Variants in ZNF611 observed in about 807,000 individuals in gnomAD.
ZNF611 encodes the protein zinc finger protein 611.
ZNF611 carries 6 observed loss-of-function variants against 8.9 expected under a neutral mutation model. That is an observed-to-expected ratio of 0.68 (90% CI 0.37 to 1.34). The LOEUF is 1.34. Among genes scored for constraint, ZNF611 ranks in the 40% most tolerant of loss-of-function variants. ZNF611 has a pLI of 0.02. For synonymous variants in ZNF611, 262 were observed against 279.7 expected, an observed-to-expected ratio of 0.94 and a Z score of 0.63; for missense variants, 874 against 841.3, an observed-to-expected ratio of 1.04 and a Z score of -0.48.
intron 3 of ZNF611, among the ~76,000 whole-genome samples, chr19:52,725,910 T>C (rs890770898): frequency 5.9e-5 from 9 of 152,010 alleles, no homozygotes; most frequent in East Asian, 2.0e-4. Flanking sequence ...CCTGTGCATC[T>C]CTCCGCCTCG....
intron 3 of ZNF611, among the ~76,000 whole-genome samples, chr19:52,717,994 A>G (rs1470527027): frequency 3.3e-5 from 5 of 152,206 alleles, no homozygotes; most frequent in African/African-American, 1.2e-4. Context: ...ATGGTTAAAA[A>G]ATATAGATCT....
chr19:52,733,235 G>A (rs2062436412), intron 1 of ZNF611, among the ~76,000 whole-genome samples: 1 of 152,050 alleles, frequency 6.6e-6, no homozygotes. Context: ...TATATATACA[G>A]AACTCAACAT....
intron 5 of ZNF611, among the ~76,000 whole-genome samples, chr19:52,711,555 A>C (rs1175156056): frequency 6.6e-6 from 1 of 152,186 alleles, no homozygotes; most frequent in African/African-American, 2.4e-5. Flanking sequence ...ATGACCAGAC[A>C]CAGAAAATAT....
intron 3 of ZNF611, chr19:52,717,743 A>G (rs1296133410): frequency 2.1e-6 from 2 of 958,828 alleles, no homozygotes; most frequent in African/African-American, 1.8e-5. Flanking sequence ...CTTACTTAGA[A>G]GCTCACAGAT....
chr19:52,727,475 C>A (rs1310229330), intron 3 of ZNF611, among the ~76,000 whole-genome samples: 2 of 152,210 alleles, frequency 1.3e-5, no homozygotes, highest in Admixed American at 1.3e-4. Flanking sequence ...TTCATCCTGG[C>A]TCTACTTGGT....
intron 4 of ZNF611, 104 bp from the exon 5 acceptor site, chr19:52,714,245 A>G (rs1330494674): frequency 1.5e-5 from 23 of 1,541,494 alleles, no homozygotes; most frequent in East Asian, 4.6e-5. Flanking sequence ...ATCAAAGATT[A>G]TGTTCTGACA....
intron 5 of ZNF611, among the ~76,000 whole-genome samples, chr19:52,710,815 C>T (rs1193134001): frequency 1.3e-5 from 2 of 152,110 alleles, no homozygotes; most frequent in Admixed American, 6.6e-5. Flanking sequence ...TAATAGTACT[C>T]ATTTGTTTTA....
At chr19:52,718,545 T>A (rs571768312) in intron 3 of ZNF611, among the ~76,000 whole-genome samples, 6 of 152,012 alleles carry the variant, frequency 3.9e-5, no homozygotes, top group Admixed American at 6.6e-5. Context: ...ATGCCTGTAA[T>A]CCCAGCACCT....
rs2062243096 is a variant in ZNF611, at chr19:52,706,200, T to C, written c.855A>G (p.Lys285=). ...TGCCACACTCTTTACACTTGTAAGG[T>C]TTCTCAACAGTGTGACATCTATCAT... ...ACHDRCHTVE[K]PYKCKECGKT... Residue 285 remains lysine, a synonymous_variant, in exon 6 of 6, where the codon AAA becomes AAG. Transcript: ENST00000652185. The C allele has an allele frequency of 1.9e-6, 3 of 1,614,148 alleles. No homozygotes were observed. Among genetic ancestry groups the C allele is most frequent in the South Asian group, 1.1e-5 (1 of 91,078 alleles).
At position 52,705,301 on chromosome 19, in the gene ZNF611, T is replaced by C. The variant is rs148228360; in HGVS notation, c.1754A>G (p.His585Arg). 499 of 1,613,862 alleles carry C rather than the reference T, an allele frequency of 3.1e-4. 1 individual carries two copies. The African/African-American group carries it at 6.2e-3, about 20-fold the overall frequency. The change falls in exon 6 of 6, where the codon CAT (histidine) becomes CGT (arginine). Residue 585 changes from histidine (H) to arginine (R), a missense_variant. By Grantham distance (29) the His-to-Arg change is conservative. Coordinates refer to ENST00000652185, the MANE Select transcript of ZNF611 (RefSeq NM_001161499.2). ...AGGTTTCTCACCACTATGAACTCTA[T>C]GATGGCATACAAGGTATGACCTGTG... ...FSHRSYLVCH[H>R]RVHSGEKPYK... is the part of the protein sequence containing the mutation.
rs921863253 is a variant in ZNF611 at position 52,723,119 on chromosome 19, T to C, written c.-20+5611A>G. ...CTCATTCTCCCCTTCTCTTTCTAGC[T>C]CTTGTTTTCTTTTCTTTTTCCCTGG... On this transcript the variant is annotated intron_variant, in intron 3 of 5. Transcript: ENST00000652185. Among the ~76,000 whole-genome samples the C allele has an allele frequency of 5.3e-5, 8 of 151,812 alleles. 1 individual carries two copies. In the East Asian group the frequency reaches 1.2e-3, roughly 22 times the overall value.
chr19:52,718,235 G>A (rs2062330825), intron 3 of ZNF611, among the ~76,000 whole-genome samples: 1 of 152,150 alleles, frequency 6.6e-6, no homozygotes, highest in Non-Finnish European at 1.5e-5. Flanking sequence ...AGCTACTCTG[G>A]AGGCTGAGGC....
intron 3 of ZNF611, among the ~76,000 whole-genome samples, chr19:52,727,366 C>T (rs137985767): frequency 4.6e-5 from 7 of 152,196 alleles, no homozygotes; most frequent in Non-Finnish European, 8.8e-5. Flanking sequence ...GAGAAAGAAA[C>T]GTCACTGTTA....
At chr19:52,722,702 C>T (rs2062367396) in intron 3 of ZNF611, among the ~76,000 whole-genome samples, 2 of 152,114 alleles carry the variant, frequency 1.3e-5, no homozygotes, top group Non-Finnish European at 2.9e-5. Context: ...ATCCAATGAA[C>T]TCACACACTC....
At position 52,706,874 on chromosome 19, in the gene ZNF611, A is replaced by G. The variant is rs559044113; in HGVS notation, c.191-10T>C. Reference sequence around the variant, plus strand: ...CATTTGGAAGAGATATCTACAAAATATAAACACCAATACATTTCCAATTAA... The same window carrying G: ...CATTTGGAAGAGATATCTACAAAATGTAAACACCAATACATTTCCAATTAA... On this transcript the variant is annotated splice_polypyrimidine_tract_variant and intron_variant, in intron 5 of 5. Coordinates refer to ENST00000652185, the MANE Select transcript of ZNF611 (RefSeq NM_001161499.2). 8 of 1,604,928 alleles carry G rather than the reference A, an allele frequency of 5.0e-6. No homozygotes were observed. In the African/African-American group the frequency reaches 8.0e-5, roughly 16 times the overall value.
At chr19:52,707,916 C>A (rs1264349669) in intron 5 of ZNF611, among the ~76,000 whole-genome samples, 3 of 151,968 alleles carry the variant, frequency 2.0e-5, no homozygotes, top group African/African-American at 7.3e-5. Context: ...CAGGTGTGAG[C>A]CACTGCACCT....
intron 2 of ZNF611, among the ~76,000 whole-genome samples, chr19:52,729,436 G>A (rs1047498731): frequency 1.4e-5 from 2 of 139,654 alleles, no homozygotes. Flanking sequence ...AAGGTTGCAG[G>A]GAGCCAAGAT....
chr19:52,704,324 T>G lies in ZNF611; in HGVS notation c.*613A>C. On this transcript the variant is annotated 3_prime_UTR_variant, in exon 6 of 6. Transcript: ENST00000652185. ...TGTTCTGCATGGAGTGATCTTGGACTGAAGACCTTGCCACACTGATGACAT... is the reference window on the plus strand; with the variant it reads ...TGTTCTGCATGGAGTGATCTTGGACGGAAGACCTTGCCACACTGATGACAT... 1 of 592,330 alleles carries G rather than the reference T, an allele frequency of 1.7e-6. No individual in the cohort carries two copies. The highest frequency in any genetic ancestry group is 3.3e-6 in the Non-Finnish European group (1 of 300,874). 36.7% of individuals were successfully genotyped at this position (592,330 alleles called of 1,614,324 possible). A position where few individuals can be genotyped will look rare whatever the true frequency, so the allele number is the denominator to read the frequency against.
chr19:52,719,547 C>A (rs1022640969), intron 3 of ZNF611, among the ~76,000 whole-genome samples: 4 of 152,126 alleles, frequency 2.6e-5, no homozygotes, highest in Non-Finnish European at 5.9e-5. Context: ...AATTTGTTAC[C>A]TTATAAACAG....
Sources: allele counts gnomAD v4.1 joint callset (sites outside exome capture counted in the v4.1 genomes callset), GRCh38; gene constraint gnomAD v4.1.1; transcripts MANE v1.5; gene names NCBI Gene and HGNC (gene_info 2026-07-23, HGNC 2026-07-21).